The following PCSK2 variants were observed in gnomAD, a reference collection of about 807,000 sequenced individuals.
The protein encoded by PCSK2 is proprotein convertase subtilisin/kexin type 2, also known as neuroendocrine convertase 2.
In PCSK2, 14 loss-of-function variants were observed where a neutral mutation model predicts 69.7. The ratio of observed to expected loss-of-function variants is 0.20; its 90% CI spans 0.13 to 0.31. The LOEUF (loss-of-function observed/expected upper bound fraction) is 0.31, where lower values mean the gene tolerates loss of function less well. Ranked by LOEUF, PCSK2 falls within the 10% of genes least tolerant of loss-of-function variation. PCSK2 has a pLI of 1.00. For missense variants in PCSK2, 544 were observed against 842.5 expected (o/e 0.65, Z 4.39); for synonymous variants, 307 against 320.7 (o/e 0.96, Z 0.46).
In PCSK2 at chr20:17,227,209, AC is replaced by A; in HGVS notation, c.-96del. ...TCTCTATACAAAGATTTTTTTAAAA[AC>A]TATATATAAGAATTCTTTATTTGCA... On this transcript the variant is annotated 5_prime_UTR_variant, in exon 1 of 12. Coordinates refer to ENST00000262545, the MANE Select transcript of PCSK2 (RefSeq NM_002594.5). The A allele has an allele frequency of 1.3e-6, 1 of 789,340 alleles. No individual in the cohort carries two copies. The highest frequency in any genetic ancestry group is 1.8e-5 in the African/African-American group (1 of 56,982). 48.9% of individuals were successfully genotyped at this position (789,340 alleles called of 1,614,324 possible). A position where few individuals can be genotyped will look rare whatever the true frequency, so the allele number is the denominator to read the frequency against.
At chr20:17,353,464 AC>A (rs1365423254) in intron 2 of PCSK2, among the ~76,000 whole-genome samples, 1 of 59,314 alleles carries the variant, frequency 1.7e-5, no homozygotes. Context: ...ACTCCATCAC[AC>A]AAAAAAAAAA....
chr20:17,313,666 A>C (rs1177765104), intron 2 of PCSK2, among the ~76,000 whole-genome samples: 1 of 152,112 alleles, frequency 6.6e-6, no homozygotes, highest in Non-Finnish European at 1.5e-5. Flanking sequence ...GAGGCCTCCA[A>C]AGTTGCTTTC....
intron 2 of PCSK2, among the ~76,000 whole-genome samples, chr20:17,279,204 G>A (rs6080622): frequency 6.6e-6 from 1 of 152,222 alleles, no homozygotes; most frequent in East Asian, 1.9e-4. Context: ...CGACTTTTTA[G>A]GACTTTTAAT....
At chr20:17,299,251 C>CA (rs1479087054) in intron 2 of PCSK2, among the ~76,000 whole-genome samples, 2 of 152,066 alleles carry the variant, frequency 1.3e-5, no homozygotes, top group South Asian at 2.1e-4. Flanking sequence ...AATTGTTAAG[C>CA]AATTCTCATA....
rs58349005 is a variant in PCSK2 at position 17,347,787 on chromosome 20, C to CGAAAGAAAGAAAGAAA, written c.283-10481_283-10466dup. 8.9e-4 allele frequency among the ~76,000 whole-genome samples: 43 copies of CGAAAGAAAGAAAGAAA among 48,548 alleles called. 1 individual carries two copies. Among genetic ancestry groups the CGAAAGAAAGAAAGAAA allele is most frequent in the East Asian group, 1.8e-3 (2 of 1,110 alleles). 31.8% of individuals were successfully genotyped at this position (48,548 alleles called of 152,430 possible). ...CTAAAACTGCTGAAAGACACATAGACGAAAGAAAGAAAGAAAGAAAGAAAG... is the reference window on the plus strand; with the variant it reads ...CTAAAACTGCTGAAAGACACATAGACGAAAGAAAGAAAGAAAGAAAGAAAGAAAGAAAGAAAGAAAG... On this transcript the variant is annotated intron_variant, in intron 2 of 11. Coordinates refer to ENST00000262545, the MANE Select transcript of PCSK2 (RefSeq NM_002594.5).
chr20:17,247,005 T>C (rs1600406943), intron 1 of PCSK2, among the ~76,000 whole-genome samples: 1 of 152,290 alleles, frequency 6.6e-6, no homozygotes, highest in Middle Eastern at 3.4e-3. Flanking sequence ...CATTTTACCT[T>C]GCACACAATC....
At chr20:17,303,503 AT>A (rs1989204349) in intron 2 of PCSK2, among the ~76,000 whole-genome samples, 1 of 43,256 alleles carries the variant, frequency 2.3e-5, no homozygotes, top group Non-Finnish European at 4.2e-5. Flanking sequence ...TTAATATAAT[AT>A]ATATTATATA....
chr20:17,226,797 T>TCGCTGCGCTGCGCTG (rs564278605), upstream of PCSK2, among the ~76,000 whole-genome samples: 27 of 136,390 alleles, frequency 2.0e-4, no homozygotes, highest in Admixed American at 5.1e-4. Context: ...GGGCGCGGGC[T>TCGCTGCGCTGCGCTG]CGCTGCGCTG....
intron 5 of PCSK2, among the ~76,000 whole-genome samples, chr20:17,382,221 T>C (rs572657997): frequency 6.6e-6 from 1 of 152,344 alleles, no homozygotes; most frequent in East Asian, 1.9e-4. Context: ...TTCTGTGGAA[T>C]AGCAGGAGTG....
chr20:17,468,386 CA>C (rs2033141924), intron 11 of PCSK2, among the ~76,000 whole-genome samples: 2 of 143,058 alleles, frequency 1.4e-5, no homozygotes, highest in African/African-American at 2.7e-5. Flanking sequence ...CATAGGCCAG[CA>C]TCCTCCACGG....
At chr20:17,451,045 C>T (rs775887370) in intron 8 of PCSK2, among the ~76,000 whole-genome samples, 42 of 152,280 alleles carry the variant, frequency 2.8e-4, no homozygotes, top group Non-Finnish European at 5.3e-4. Flanking sequence ...AAGCCAGAGA[C>T]TTTTTGGTGC....
chr20:17,260,283 T>C lies in PCSK2; in HGVS notation c.221T>C (p.Leu74Pro). 1.2e-6 allele frequency: 2 copies of C among 1,613,776 alleles called. No individual in the cohort carries two copies. Among genetic ancestry groups the C allele is most frequent in the Non-Finnish European group, 1.7e-6 (2 of 1,179,794 alleles). Residue 74 changes from leucine to proline, a missense_variant, in exon 2 of 12, where the codon CTT becomes CCT. Leu to Pro is a moderately conservative substitution (Grantham distance 98). This residue lies in a region of PCSK2 where 157 missense variants were observed against 155.0 expected (regional missense o/e 1.01). Coordinates refer to ENST00000262545, the MANE Select transcript of PCSK2 (RefSeq NM_002594.5). ...CTGTACCACTTTTATCACAATGGCC[T>C]TGCAAAGGCCAAGAGAAGACGCAGC... ...EGLYHFYHNG[L>P]AKAKRRRSLH...
intron 5 of PCSK2, among the ~76,000 whole-genome samples, chr20:17,393,929 G>A (rs1440467985): frequency 1.3e-5 from 2 of 152,190 alleles, no homozygotes; most frequent in Admixed American, 6.5e-5. Flanking sequence ...AAAGCTGAAT[G>A]TTTAAAGATT....
chr20:17,244,856 T>A (rs1986713279), intron 1 of PCSK2, among the ~76,000 whole-genome samples: 1 of 152,204 alleles, frequency 6.6e-6, no homozygotes, highest in Admixed American at 6.5e-5. Context: ...AGTAAGCACT[T>A]GCTTTGAGGA....
intron 1 of PCSK2, among the ~76,000 whole-genome samples, chr20:17,255,893 T>C (rs1987159967): frequency 6.6e-6 from 1 of 152,194 alleles, no homozygotes; most frequent in Non-Finnish European, 1.5e-5. Context: ...TTTGCCATAT[T>C]TGTAAGGGAT....
chr20:17,340,971 C>G (rs375156284), intron 2 of PCSK2, among the ~76,000 whole-genome samples: 1 of 152,086 alleles, frequency 6.6e-6, no homozygotes, highest in Non-Finnish European at 1.5e-5. Context: ...AAGGATTGGC[C>G]GGGCGCAGTG....
intron 11 of PCSK2, among the ~76,000 whole-genome samples, chr20:17,466,995 C>G (rs549283340): frequency 1.3e-5 from 2 of 152,220 alleles, no homozygotes; most frequent in Non-Finnish European, 2.9e-5. Context: ...GAATACACCT[C>G]CGTGGCTTAC....
At chr20:17,309,350 A>T (rs1333167683) in intron 2 of PCSK2, among the ~76,000 whole-genome samples, 1 of 152,258 alleles carries the variant, frequency 6.6e-6, no homozygotes, top group East Asian at 1.9e-4. Context: ...ACTGTGTTCC[A>T]GAAAGTTAAT....
chr20:17,362,495 G>A (rs1412182214), intron 4 of PCSK2, among the ~76,000 whole-genome samples: 1 of 152,194 alleles, frequency 6.6e-6, no homozygotes, highest in Non-Finnish European at 1.5e-5. Context: ...TGACCCTGGA[G>A]TCAACTAGAG....
Sources: allele counts gnomAD v4.1 joint callset (sites outside exome capture counted in the v4.1 genomes callset), GRCh38; gene constraint gnomAD v4.1.1; regional missense constraint gnomAD v4.1.1; transcripts MANE v1.5; gene names NCBI Gene and HGNC (gene_info 2026-07-23, HGNC 2026-07-21).